The following PIGN variants were observed in gnomAD, a reference collection of about 807,000 sequenced individuals.
The protein encoded by PIGN is phosphatidylinositol glycan anchor biosynthesis class N, also known as GPI ethanolamine phosphate transferase 1.
PIGN carries 117 observed loss-of-function variants against 125.4 expected under a neutral mutation model. The ratio of observed to expected loss-of-function variants is 0.93; its 90% CI spans 0.80 to 1.09. The LOEUF (loss-of-function observed/expected upper bound fraction) is 1.09, where lower values mean the gene tolerates loss of function less well. Among genes scored for constraint, PIGN ranks in the 50% least tolerant of loss-of-function variants. The pLI, the probability that PIGN is intolerant of heterozygous loss-of-function variation, is 0.00. For synonymous variants in PIGN, 392 were observed against 377.8 expected (o/e 1.04, Z -0.44); for missense variants, 1,075 against 1,094.9 (o/e 0.98, Z 0.26).
At chr18:62,083,663 G>A (rs1309372544) in intron 27 of PIGN, among the ~76,000 whole-genome samples, 4 of 151,808 alleles carry the variant, frequency 2.6e-5, no homozygotes, top group Non-Finnish European at 2.9e-5. Context: ...TTTAATTAAA[G>A]GCCAATGGTC....
intron 17 of PIGN, among the ~76,000 whole-genome samples, chr18:62,109,127 A>T (rs1406253354): frequency 1.3e-5 from 2 of 152,180 alleles, no homozygotes; most frequent in Non-Finnish European, 2.9e-5. Flanking sequence ...TGGTGTAAAA[A>T]TAGAAACCAA....
At chr18:62,072,626 A>G (rs1461163784) in intron 30 of PIGN, 47 bp downstream of exon 30, 3 of 1,420,084 alleles carry the variant, frequency 2.1e-6, no homozygotes, top group Non-Finnish European at 2.9e-6. Flanking sequence ...TATATTTCTC[A>G]GAACTTATCC....
At position 62,113,099 on chromosome 18, in the gene PIGN, A is replaced by G. The variant is rs1182740081; in HGVS notation, c.1434+35T>C. 26 of 1,504,848 alleles carry G rather than the reference A, an allele frequency of 1.7e-5. No homozygotes were observed. The South Asian group carries it at 1.8e-4, about 10-fold the overall frequency. The allele number at this position is 1,504,848 out of a possible 1,614,324, so 93.2% of individuals were successfully genotyped here. A position where few individuals can be genotyped will look rare whatever the true frequency, so the allele number is the denominator to read the frequency against. On this transcript the variant is annotated intron_variant, in intron 16 of 30. Transcript: ENST00000640252. Reference sequence around the variant, plus strand: ...CTGGATTCAGTACTAGTGATTTTATACCATCATCTGAATCCTCACATTTTC... The same window carrying G: ...CTGGATTCAGTACTAGTGATTTTATGCCATCATCTGAATCCTCACATTTTC...
chr18:62,110,023 A>C lies in PIGN; in HGVS notation c.1435-50T>G, dbSNP rs778262882. 2.4e-5 allele frequency: 38 copies of C among 1,578,362 alleles called. No individual in the cohort carries two copies. The Admixed American group carries it at 4.0e-4, about 17-fold the overall frequency. ...AACACTTCCAAACCAATGGTAATTG[A>C]TAGGTTTTAAAAGAGATTTTATAAA... On this transcript the variant is annotated intron_variant, in intron 16 of 30. Transcript: ENST00000640252.
rs1319355441 is a variant in PIGN at position 62,095,899 on chromosome 18, A to G, written c.2129T>C (p.Leu710Ser). 1.2e-6 allele frequency: 2 copies of G among 1,613,468 alleles called. No homozygotes were observed. Among genetic ancestry groups the G allele is most frequent in the Admixed American group, 3.3e-5 (2 of 59,986 alleles). ...CATCAATGAAAGAAGTATGCTGAAC[A>G]ATCGCTGAAAGAGAACTGGAGAACT... ...LLSSPVLFQRLFSILLSLMST... is the reference protein window; with the variant it reads ...LLSSPVLFQRSFSILLSLMST... Residue 710 changes from leucine to serine, a missense_variant, in exon 23 of 31, where the codon TTG becomes TCG. Leu to Ser is a moderately radical substitution (Grantham distance 145). This residue lies in a region of PIGN where 915 missense variants were observed against 908.7 expected (regional missense o/e 1.01). Coordinates refer to ENST00000640252, the MANE Select transcript of PIGN (RefSeq NM_176787.5).
intron 4 of PIGN, 82 bp downstream of exon 4, chr18:62,161,051 G>C: frequency 1.1e-6 from 1 of 874,158 alleles, no homozygotes; most frequent in Admixed American, 2.4e-5. Context: ...CCCAGTGCAT[G>C]ATAAATAGTA....
At chr18:62,055,324 A>T (rs891898133) in intron 30 of PIGN, among the ~76,000 whole-genome samples, 1 of 152,240 alleles carries the variant, frequency 6.6e-6, no homozygotes, top group African/African-American at 2.4e-5. Flanking sequence ...AATAAGAAGT[A>T]ACGAACTACT....
chr18:62,123,243 A>G (rs1174663382), intron 14 of PIGN, among the ~76,000 whole-genome samples: 1 of 152,188 alleles, frequency 6.6e-6, no homozygotes, highest in African/African-American at 2.4e-5. Context: ...CTCTTTCTAA[A>G]AATGAAATTT....
chr18:62,035,496 C>T (rs1050073305), intron 23 of PIGN, among the ~76,000 whole-genome samples: 2 of 152,170 alleles, frequency 1.3e-5, no homozygotes, highest in East Asian at 1.9e-4. Flanking sequence ...TTTCAGAAGG[C>T]CTTATTTAAG....
At chr18:62,034,961 C>T (rs2030239379) in intron 23 of PIGN, among the ~76,000 whole-genome samples, 1 of 152,112 alleles carries the variant, frequency 6.6e-6, no homozygotes, top group Non-Finnish European at 1.5e-5. Context: ...CCACCCAAAC[C>T]ACCTTGAATT....
intron 1 of PIGN, among the ~76,000 whole-genome samples, chr18:62,182,540 G>C (rs1184264056): frequency 6.6e-6 from 1 of 152,002 alleles, no homozygotes; most frequent in Non-Finnish European, 1.5e-5. Context: ...CTGTTCATTT[G>C]TCTTAATCTC....
intron 1 of PIGN, among the ~76,000 whole-genome samples, chr18:62,165,234 T>C (rs2037089347): frequency 6.6e-6 from 1 of 152,214 alleles, no homozygotes; most frequent in Non-Finnish European, 1.5e-5. Context: ...CACATCCCCT[T>C]TGTTCTTCTC....
chr18:62,071,658 T>C (rs1175596877), intron 30 of PIGN, among the ~76,000 whole-genome samples: 1 of 151,846 alleles, frequency 6.6e-6, no homozygotes, highest in Non-Finnish European at 1.5e-5. Flanking sequence ...GATAGCGCAG[T>C]GTCTTTGCAG....
Position 62,042,655 on chromosome 18 carries a change from TCA to T in PIGN, c.*3199_*3200del, listed in dbSNP as rs2030421578. 1 of 130,532 alleles carries T rather than the reference TCA, an allele frequency of 7.7e-6. No individual in the cohort carries two copies. Among genetic ancestry groups the T allele is most frequent in the African/African-American group, 2.7e-5 (1 of 36,816 alleles). 8.1% of individuals were successfully genotyped at this position (130,532 alleles called of 1,614,324 possible). Reference sequence around the variant, plus strand: ...AATTTTGATTATTAATGTTTCCTTCTCATTTTTTTTTTAAATAACAAAGCATC... The same window carrying T: ...AATTTTGATTATTAATGTTTCCTTCTTTTTTTTTTTAAATAACAAAGCATC... On this transcript the variant is annotated 3_prime_UTR_variant, in exon 31 of 31. Transcript: ENST00000640252.
At chr18:62,149,205 T>C (rs1367688889) in intron 7 of PIGN, among the ~76,000 whole-genome samples, 2 of 152,190 alleles carry the variant, frequency 1.3e-5, no homozygotes, top group African/African-American at 4.8e-5. Context: ...CAAATAACTC[T>C]TCACTACTAT....
chr18:62,186,070 A>G (rs1295244591), intron 1 of PIGN, among the ~76,000 whole-genome samples: 5 of 65,862 alleles, frequency 7.6e-5, no homozygotes, highest in Non-Finnish European at 1.3e-4. Flanking sequence ...TTTTTTTTTG[A>G]GACGGAGTCT....
chr18:62,031,682 C>A (rs781515775), intron 23 of PIGN, among the ~76,000 whole-genome samples: 3 of 152,148 alleles, frequency 2.0e-5, no homozygotes, highest in Non-Finnish European at 4.4e-5. Flanking sequence ...AGAAACAGGG[C>A]AAATGATTTC....
At chr18:62,159,615 C>A (rs1404164636) in intron 4 of PIGN, among the ~76,000 whole-genome samples, 1 of 152,160 alleles carries the variant, frequency 6.6e-6, no homozygotes, top group Non-Finnish European at 1.5e-5. Context: ...TCTCTCTTTT[C>A]TTTATTTTTA....
intron 14 of PIGN, among the ~76,000 whole-genome samples, chr18:62,132,008 C>CA (rs78263022): frequency 0.3 from 44,481 of 150,390 alleles, 7,854 homozygotes; most frequent in East Asian, 0.58. Flanking sequence ...TTTCTAAGAA[C>CA]AAAAAAAAAT....
Sources: allele counts gnomAD v4.1 joint callset (sites outside exome capture counted in the v4.1 genomes callset), GRCh38; gene constraint gnomAD v4.1.1; regional missense constraint gnomAD v4.1.1; transcripts MANE v1.5; gene names NCBI Gene and HGNC (gene_info 2026-07-23, HGNC 2026-07-21).